Variants in CDK17 observed in about 807,000 individuals in gnomAD.
The protein encoded by CDK17 is cyclin-dependent kinase 17.
A neutral mutation model predicts 77.6 loss-of-function variants in CDK17; 24 were observed. The ratio of observed to expected loss-of-function variants is 0.31; its 90% CI spans 0.22 to 0.44. The LOEUF (loss-of-function observed/expected upper bound fraction) is 0.44, where lower values mean the gene tolerates loss of function less well. Ranked by LOEUF, CDK17 falls within the 20% of genes least tolerant of loss-of-function variation. The probability of loss-of-function intolerance (pLI) is 1.00; values close to 1 mark genes in which losing one functional copy is unlikely to be tolerated. For synonymous variants in CDK17, 203 were observed against 210.4 expected (o/e 0.96, Z 0.30); for missense variants, 429 against 622.5 (o/e 0.69, Z 3.31).
chr12:96,387,300 G>A, intron 1 of CDK17: 1 of 170,020 alleles, frequency 5.9e-6, no homozygotes, highest in Non-Finnish European at 1.3e-5. Flanking sequence ...TAATGTATGA[G>A]TGGTTCCTTC....
chr12:96,304,846 TA>T (rs1952556731), intron 5 of CDK17, among the ~76,000 whole-genome samples: 2 of 113,272 alleles, frequency 1.8e-5, no homozygotes, highest in South Asian at 7.9e-4. Context: ...CTGAGAGATG[TA>T]AGGACTTGAT....
At chr12:96,352,211 T>C (rs1382360797) in intron 1 of CDK17, among the ~76,000 whole-genome samples, 1 of 151,912 alleles carries the variant, frequency 6.6e-6, no homozygotes, top group Non-Finnish European at 1.5e-5. Context: ...GTATTGAAGC[T>C]GAATAAGGGA....
chr12:96,309,404 CT>C (rs1323232251), intron 5 of CDK17, among the ~76,000 whole-genome samples: 2 of 152,164 alleles, frequency 1.3e-5, no homozygotes, highest in African/African-American at 4.8e-5. Context: ...TCCCAAAGCA[CT>C]TTATATGTAT....
chr12:96,323,288 A>AC (rs1413292927), intron 3 of CDK17, among the ~76,000 whole-genome samples: 16 of 101,296 alleles, frequency 1.6e-4, no homozygotes, highest in African/African-American at 5.4e-4. Flanking sequence ...AAAAAAACAA[A>AC]AACAAACAAA....
intron 10 of CDK17, among the ~76,000 whole-genome samples, chr12:96,293,473 G>C (rs1000690811): frequency 5.9e-5 from 9 of 152,138 alleles, no homozygotes; most frequent in African/African-American, 1.9e-4. Flanking sequence ...ATACATATAT[G>C]AAGGAAATCA....
chr12:96,377,807 C>A (rs990154601), intron 1 of CDK17, among the ~76,000 whole-genome samples: 1 of 151,250 alleles, frequency 6.6e-6, no homozygotes, highest in Non-Finnish European at 1.5e-5. Context: ...CATTCTCCTG[C>A]CTCAGCCTCC....
chr12:96,369,593 C>T (rs903203764), intron 1 of CDK17, among the ~76,000 whole-genome samples: 7 of 152,058 alleles, frequency 4.6e-5, no homozygotes, highest in Non-Finnish European at 1.0e-4. Flanking sequence ...GCCTGGACAA[C>T]ACGGAGAAAC....
At chr12:96,385,204 C>G (rs1269930784) in intron 1 of CDK17, among the ~76,000 whole-genome samples, 1 of 149,878 alleles carries the variant, frequency 6.7e-6, no homozygotes, top group Non-Finnish European at 1.5e-5. Flanking sequence ...CCCAGCTACT[C>G]AGGAGGCTGA....
intron 3 of CDK17, among the ~76,000 whole-genome samples, chr12:96,316,203 C>G (rs1952714442): frequency 6.6e-6 from 1 of 152,090 alleles, no homozygotes; most frequent in African/African-American, 2.4e-5. Flanking sequence ...ACGGACGCAC[C>G]TGGAAAATCG....
intron 2 of CDK17, among the ~76,000 whole-genome samples, chr12:96,334,146 G>A (rs1007294643): frequency 3.3e-5 from 5 of 152,150 alleles, no homozygotes; most frequent in African/African-American, 1.2e-4. Flanking sequence ...TTCCTTCCCA[G>A]TTACTACTAT....
At chr12:96,280,491 C>T in intron 16 of CDK17, 2 of 1,409,548 alleles carry the variant, frequency 1.4e-6, no homozygotes, top group Non-Finnish European at 1.8e-6. Context: ...TAGGGAAGCA[C>T]AAGATGTGTC....
chr12:96,286,569 G>T, intron 12 of CDK17, 95 bp downstream of exon 12: 1 of 792,186 alleles, frequency 1.3e-6, no homozygotes, highest in Non-Finnish European at 2.1e-6. Context: ...GTTAGTCTCA[G>T]TATCTAATTT....
intron 1 of CDK17, among the ~76,000 whole-genome samples, chr12:96,343,230 G>A (rs1565828092): frequency 6.6e-6 from 1 of 152,206 alleles, no homozygotes; most frequent in Non-Finnish European, 1.5e-5. Context: ...TTCCAAGTAT[G>A]GAACCTAATT....
intron 1 of CDK17, chr12:96,387,007 T>C: frequency 3.2e-6 from 1 of 313,722 alleles, no homozygotes. Context: ...GTAAAATATC[T>C]AATGTTACTT....
At chr12:96,292,969 C>T (rs1199810946) in intron 10 of CDK17, among the ~76,000 whole-genome samples, 2 of 151,940 alleles carry the variant, frequency 1.3e-5, no homozygotes, top group African/African-American at 2.4e-5. Flanking sequence ...TTCTCAAGAC[C>T]CATTTTATAC....
chr12:96,293,960 G>A (rs1479330177), intron 10 of CDK17, among the ~76,000 whole-genome samples: 1 of 152,096 alleles, frequency 6.6e-6, no homozygotes, highest in African/African-American at 2.4e-5. Flanking sequence ...GAAATGATAG[G>A]CTTCCTTCAT....
intron 1 of CDK17, among the ~76,000 whole-genome samples, chr12:96,379,127 A>G (rs953166145): frequency 6.6e-6 from 1 of 152,172 alleles, no homozygotes; most frequent in Non-Finnish European, 1.5e-5. Flanking sequence ...AGGGACAATT[A>G]TGTACCAAAA....
At chr12:96,375,194 GAACT>G (rs1232173385) in intron 1 of CDK17, among the ~76,000 whole-genome samples, 2 of 152,110 alleles carry the variant, frequency 1.3e-5, no homozygotes, top group African/African-American at 4.8e-5. Flanking sequence ...GAAATTTCCT[GAACT>G]AACCTACACC....
intron 1 of CDK17, among the ~76,000 whole-genome samples, chr12:96,372,340 C>T (rs973599650): frequency 1.2e-4 from 19 of 152,050 alleles, no homozygotes; most frequent in African/African-American, 4.6e-4. Context: ...ATTGAAAAGG[C>T]CTCAAAATAG....
Sources: allele counts gnomAD v4.1 joint callset (sites outside exome capture counted in the v4.1 genomes callset), GRCh38; gene constraint gnomAD v4.1.1; transcripts MANE v1.5; gene names NCBI Gene and HGNC (gene_info 2026-07-23, HGNC 2026-07-21).